The following ATP8B4 variants were observed in gnomAD, a reference collection of about 807,000 sequenced individuals.
ATP8B4 encodes ATPase phospholipid transporting 8B4 (putative), also known as probable phospholipid-transporting ATPase IM.
A neutral mutation model predicts 145.6 loss-of-function variants in ATP8B4; 133 were observed. That is an observed-to-expected ratio of 0.91 (90% CI 0.79 to 1.05). The LOEUF is 1.05. ATP8B4 is among the 50% of genes least tolerant of loss of function. The probability of loss-of-function intolerance (pLI) is 0.00; values close to 1 mark genes in which losing one functional copy is unlikely to be tolerated. For synonymous variants in ATP8B4, 507 were observed against 492.9 expected, an observed-to-expected ratio of 1.03 and a Z score of -0.38; for missense variants, 1,458 against 1,425.2, an observed-to-expected ratio of 1.02 and a Z score of -0.37.
At chr15:49,901,347 G>C (rs1400068397) in intron 20 of ATP8B4, 108 bp from the exon 21 acceptor site, 1 of 1,194,140 alleles carries the variant, frequency 8.4e-7, no homozygotes, top group South Asian at 1.6e-5. Context: ...ACTATTCAGA[G>C]AGAATATGGC....
In ATP8B4 at chr15:50,098,892, T is replaced by C. The variant is rs1481817905; in HGVS notation, c.28+8047A>G. Among the ~76,000 whole-genome samples the C allele has an allele frequency of 6.6e-5, 10 of 152,298 alleles. No individual in the cohort carries two copies. The East Asian group carries it at 1.7e-3, about 26-fold the overall frequency. On this transcript the variant is annotated intron_variant, in intron 2 of 27. Coordinates refer to ENST00000284509, the MANE Select transcript of ATP8B4 (RefSeq NM_024837.4). ...TTCAAAATCAGAGGAAAAATGAATA[T>C]AATAGTAATGGATACATAATAATGA... is the stretch of plus-strand genomic sequence containing the variant.
At chr15:50,026,279 G>A (rs2050000271) in intron 6 of ATP8B4, among the ~76,000 whole-genome samples, 1 of 152,206 alleles carries the variant, frequency 6.6e-6, no homozygotes, top group Non-Finnish European at 1.5e-5. Flanking sequence ...TGTACTTAAA[G>A]CCTGAGAGGA....
At chr15:50,144,930 C>T (rs561155909) in intron 1 of ATP8B4, among the ~76,000 whole-genome samples, 1 of 152,152 alleles carries the variant, frequency 6.6e-6, no homozygotes, top group Non-Finnish European at 1.5e-5. Flanking sequence ...GCAGTTGCTT[C>T]CATATCATAT....
chr15:50,081,069 C>G (rs754532487), intron 2 of ATP8B4, among the ~76,000 whole-genome samples: 3 of 150,618 alleles, frequency 2.0e-5, no homozygotes, highest in African/African-American at 7.3e-5. Flanking sequence ...GCCGAGATCA[C>G]GCCACTGCAC....
intron 1 of ATP8B4, among the ~76,000 whole-genome samples, chr15:50,150,760 A>G (rs2153680776): frequency 6.6e-6 from 1 of 152,376 alleles, no homozygotes; most frequent in East Asian, 1.9e-4. Context: ...ACAAATACAA[A>G]GTTTAAAATA....
chr15:49,864,727 G>A (rs1024784777), intron 26 of ATP8B4, among the ~76,000 whole-genome samples: 1 of 152,222 alleles, frequency 6.6e-6, no homozygotes, highest in Admixed American at 6.5e-5. Flanking sequence ...CTTCCCACCA[G>A]TAATCGAGCC....
intron 6 of ATP8B4, among the ~76,000 whole-genome samples, chr15:50,031,561 T>A (rs1016280745): frequency 2.6e-5 from 2 of 77,512 alleles, no homozygotes; most frequent in African/African-American, 2.8e-4. Context: ...AGTTCAATGA[T>A]CTTTGGGTTT....
chr15:49,984,873 A>C (rs577929270), intron 10 of ATP8B4, among the ~76,000 whole-genome samples: 1 of 152,182 alleles, frequency 6.6e-6, no homozygotes, highest in Non-Finnish European at 1.5e-5. Flanking sequence ...GAGACTGTTT[A>C]AATGAATATA....
intron 23 of ATP8B4, among the ~76,000 whole-genome samples, chr15:49,891,697 G>A (rs960656515): frequency 6.6e-6 from 1 of 152,024 alleles, no homozygotes; most frequent in African/African-American, 2.4e-5. Context: ...GTTCTAGGTG[G>A]GCAAGAGTTT....
At chr15:49,939,500 A>G (rs1482117647) in intron 14 of ATP8B4, among the ~76,000 whole-genome samples, 1 of 152,202 alleles carries the variant, frequency 6.6e-6, no homozygotes, top group Non-Finnish European at 1.5e-5. Flanking sequence ...TGGAAAACCT[A>G]GAGGAAGTGG....
rs376604709 is a variant in ATP8B4 at position 50,069,900 on chromosome 15, C to T, written c.87+4227G>A. On this transcript the variant is annotated intron_variant, in intron 3 of 27. Transcript: ENST00000284509. ...GTTTTGTGGAAGCCTGAAATACGTT[C>T]AAAGCACCTGGTACACAGTTGGGTT... Among the ~76,000 whole-genome samples, 17 of 152,244 alleles carry T rather than the reference C, an allele frequency of 1.1e-4. No homozygotes were observed. The East Asian group carries it at 2.3e-3, about 21-fold the overall frequency.
At chr15:49,982,526 T>C (rs2046247551) in intron 10 of ATP8B4, 1 of 152,070 alleles carries the variant, frequency 6.6e-6, no homozygotes, top group Non-Finnish European at 1.5e-5. Context: ...GGTTAGTACT[T>C]AGATGGGAGA....
rs191503333 is a variant in ATP8B4 at position 49,968,291 on chromosome 15, T to G, written c.1243+4291A>C. Among the ~76,000 whole-genome samples, 281 of 152,276 alleles carry G rather than the reference T, an allele frequency of 1.8e-3. 1 individual carries two copies. Among genetic ancestry groups the G allele is most frequent in the African/African-American group, 6.5e-3 (272 of 41,550 alleles). The stretch of plus-strand genomic sequence containing the variant: ...CACATAACAATATTAACCTTAAATG[T>G]AAATGGGCTAAATGCCCCAATTAAA... On this transcript the variant is annotated intron_variant, in intron 13 of 27. Coordinates refer to ENST00000284509, the MANE Select transcript of ATP8B4 (RefSeq NM_024837.4).
intron 10 of ATP8B4, among the ~76,000 whole-genome samples, chr15:49,983,177 ATCCC>A (rs1405204367): frequency 1.3e-5 from 2 of 152,188 alleles, no homozygotes; most frequent in African/African-American, 4.8e-5. Flanking sequence ...CAAGATGTGT[ATCCC>A]CAGCTCATGC....
intron 1 of ATP8B4, among the ~76,000 whole-genome samples, chr15:50,118,244 A>G (rs139025596): frequency 5.3e-5 from 8 of 152,354 alleles, no homozygotes; most frequent in Non-Finnish European, 1.0e-4. Flanking sequence ...AAGAAATGGT[A>G]AATGTTTGAG....
intron 2 of ATP8B4, among the ~76,000 whole-genome samples, chr15:50,100,148 A>G (rs567447632): frequency 6.6e-6 from 1 of 152,246 alleles, no homozygotes; most frequent in Admixed American, 6.5e-5. Context: ...CTGGCTTGTC[A>G]AATTTTCACA....
chr15:50,156,895 C>T (rs918377231), intron 1 of ATP8B4, among the ~76,000 whole-genome samples: 2 of 152,164 alleles, frequency 1.3e-5, no homozygotes, highest in Admixed American at 6.5e-5. Flanking sequence ...TGGTGATAGT[C>T]TTAGCGGCTT....
intron 1 of ATP8B4, among the ~76,000 whole-genome samples, chr15:50,158,723 A>G (rs1158637021): frequency 6.6e-6 from 1 of 152,262 alleles, no homozygotes; most frequent in African/African-American, 2.4e-5. Flanking sequence ...GGTAGAAAGA[A>G]GTAGACATGG....
intron 7 of ATP8B4, among the ~76,000 whole-genome samples, chr15:50,005,550 A>C (rs2048235538): frequency 6.6e-6 from 1 of 151,960 alleles, no homozygotes; most frequent in Admixed American, 6.6e-5. Context: ...GGAGGAATAG[A>C]CTCTACCACA....
Sources: allele counts gnomAD v4.1 joint callset (sites outside exome capture counted in the v4.1 genomes callset), GRCh38; gene constraint gnomAD v4.1.1; transcripts MANE v1.5; gene names NCBI Gene and HGNC (gene_info 2026-07-23, HGNC 2026-07-21).